The following KCND3 variants were observed in gnomAD, a reference collection of about 807,000 sequenced individuals.
The protein encoded by KCND3 is A-type voltage-gated potassium channel KCND3.
Under a neutral mutation model 51.1 loss-of-function variants are expected in KCND3, and 9 were observed. The ratio of observed to expected loss-of-function variants is 0.18; its 90% confidence interval spans 0.11 to 0.31. KCND3 has a LOEUF of 0.31. KCND3 is among the 10% of genes least tolerant of loss of function. The pLI is 1.00. For missense variants in KCND3, 526 were observed against 903.8 expected (o/e 0.58, Z 5.36); for synonymous variants, 349 against 368.0 (o/e 0.95, Z 0.59).
At chr1:111,907,137 C>A (rs889043488) in intron 2 of KCND3, among the ~76,000 whole-genome samples, 2 of 152,220 alleles carry the variant, frequency 1.3e-5, no homozygotes, top group Non-Finnish European at 2.9e-5. Flanking sequence ...TCATGGGGCA[C>A]AAGTGTGCAA....
chr1:111,932,809 GT>G (rs1447868109), intron 2 of KCND3, among the ~76,000 whole-genome samples: 2 of 152,322 alleles, frequency 1.3e-5, no homozygotes, highest in Admixed American at 6.5e-5. Flanking sequence ...TTGCCAACAG[GT>G]GGCCTGGAGA....
At chr1:111,918,254 G>A (rs1671315255) in intron 2 of KCND3, among the ~76,000 whole-genome samples, 1 of 152,208 alleles carries the variant, frequency 6.6e-6, no homozygotes, top group Non-Finnish European at 1.5e-5. Context: ...GCAGTTGTGT[G>A]AAAAGACAAT....
chr1:111,858,069 C>A (rs144091706), intron 2 of KCND3, among the ~76,000 whole-genome samples: 1 of 152,208 alleles, frequency 6.6e-6, no homozygotes, highest in South Asian at 2.1e-4. Flanking sequence ...TGTCGGCTGC[C>A]GGTTCTACAT....
chr1:111,918,502 C>T (rs566098527), intron 2 of KCND3, among the ~76,000 whole-genome samples: 6 of 152,238 alleles, frequency 3.9e-5, no homozygotes, highest in South Asian at 2.1e-4. Context: ...CTAACCAGCT[C>T]ATAGCCTTGT....
At chr1:111,906,985 G>C (rs1478944419) in intron 2 of KCND3, among the ~76,000 whole-genome samples, 1 of 152,114 alleles carries the variant, frequency 6.6e-6, no homozygotes, top group African/African-American at 2.4e-5. Flanking sequence ...CCCTCTTCTG[G>C]CTAACATTTC....
At chr1:111,916,897 T>C (rs1671243396) in intron 2 of KCND3, among the ~76,000 whole-genome samples, 1 of 152,226 alleles carries the variant, frequency 6.6e-6, no homozygotes, top group South Asian at 2.1e-4. Context: ...AAATAAATTG[T>C]ATTTCTAGTT....
chr1:111,963,626 T>C (rs1673801105), intron 2 of KCND3, among the ~76,000 whole-genome samples: 1 of 151,292 alleles, frequency 6.6e-6, no homozygotes, highest in African/African-American at 2.4e-5. Context: ...TGTCAAAGAG[T>C]TTTTACATGG....
intron 2 of KCND3, among the ~76,000 whole-genome samples, chr1:111,971,346 G>C (rs186174979): frequency 8.7e-4 from 131 of 150,632 alleles, no homozygotes; most frequent in African/African-American, 3.0e-3. Context: ...AAAAACCCTT[G>C]TTTTACTCAG....
intron 3 of KCND3, among the ~76,000 whole-genome samples, chr1:111,785,231 G>T (rs559574346): frequency 1.5e-4 from 23 of 152,272 alleles, no homozygotes; most frequent in African/African-American, 4.8e-4. Context: ...TAGCCCCTTG[G>T]GGGCAGGGCC....
intron 2 of KCND3, among the ~76,000 whole-genome samples, chr1:111,950,869 A>G (rs1673026504): frequency 6.6e-6 from 1 of 152,202 alleles, no homozygotes; most frequent in Non-Finnish European, 1.5e-5. Flanking sequence ...CAGTCATTGC[A>G]GCTTAGTAAA....
intron 2 of KCND3, among the ~76,000 whole-genome samples, chr1:111,832,817 T>A (rs1666901171): frequency 6.6e-6 from 1 of 152,198 alleles, no homozygotes; most frequent in Non-Finnish European, 1.5e-5. Context: ...TCTTTATAAC[T>A]AAAAGCAGCC....
intron 2 of KCND3, among the ~76,000 whole-genome samples, chr1:111,975,643 CT>C (rs1674588385): frequency 6.6e-6 from 1 of 152,164 alleles, no homozygotes. Flanking sequence ...CCTCCAGTGA[CT>C]TCCCATGCCA....
intron 2 of KCND3, among the ~76,000 whole-genome samples, chr1:111,950,035 C>A (rs1261464050): frequency 1.3e-5 from 2 of 152,184 alleles, no homozygotes; most frequent in East Asian, 3.9e-4. Flanking sequence ...CTCAGCCTCC[C>A]AAGTAGCTGG....
chr1:111,938,233 C>T (rs9429612), intron 2 of KCND3, among the ~76,000 whole-genome samples: 49,129 of 151,984 alleles, frequency 0.32, 8,288 homozygotes, highest in Middle Eastern at 0.39. Context: ...TGCCTCTGGC[C>T]GAGGTCTGAG....
chr1:111,912,785 A>G (rs987682734), intron 2 of KCND3, among the ~76,000 whole-genome samples: 5 of 152,226 alleles, frequency 3.3e-5, no homozygotes, highest in African/African-American at 1.2e-4. Context: ...AAAAACTTAT[A>G]TAGAGTACGG....
intron 1 of KCND3, among the ~76,000 whole-genome samples, chr1:111,988,252 A>G (rs1226146075): frequency 6.6e-6 from 1 of 152,188 alleles, no homozygotes; most frequent in Admixed American, 6.5e-5. Context: ...TAGGCAAAGC[A>G]TGAAACTGAC....
chr1:111,870,136 C>A (rs747475454), intron 2 of KCND3, among the ~76,000 whole-genome samples: 1 of 152,156 alleles, frequency 6.6e-6, no homozygotes, highest in African/African-American at 2.4e-5. Flanking sequence ...AATTGTTACT[C>A]CTATTTTAAA....
At chr1:111,846,418 T>TCTG (rs55653915) in intron 2 of KCND3, among the ~76,000 whole-genome samples, 7,494 of 150,792 alleles carry the variant, frequency 0.05, 350 homozygotes, top group African/African-American at 0.12. Flanking sequence ...CATGACACTC[T>TCTG]CTGCTGCTGC....
intron 1 of KCND3, among the ~76,000 whole-genome samples, chr1:111,988,496 C>T (rs1571951991): frequency 2.0e-5 from 3 of 152,292 alleles, no homozygotes; most frequent in Admixed American, 2.0e-4. Flanking sequence ...CACATCAGTT[C>T]CCTTCCTGTG....
Sources: allele counts gnomAD v4.1 joint callset (sites outside exome capture counted in the v4.1 genomes callset), GRCh38; gene constraint gnomAD v4.1.1; transcripts MANE v1.5; gene names NCBI Gene and HGNC (gene_info 2026-07-23, HGNC 2026-07-21).